The following FAR2 variants were observed in gnomAD, a reference collection of about 807,000 sequenced individuals.
The protein encoded by FAR2 is fatty acyl-CoA reductase 2.
A neutral mutation model predicts 56.0 loss-of-function variants in FAR2; 19 were observed. That is an observed-to-expected ratio of 0.34 (90% CI 0.24 to 0.50). The LOEUF (loss-of-function observed/expected upper bound fraction) is 0.50. Ranked by LOEUF, FAR2 falls within the 20% of genes least tolerant of loss-of-function variation. FAR2 has a pLI of 0.98. For synonymous variants in FAR2, 219 were observed against 218.8 expected (o/e 1.00, Z -0.01); for missense variants, 508 against 642.2 (o/e 0.79, Z 2.26).
At chr12:29,190,356 C>T (rs941953041) in intron 1 of FAR2, among the ~76,000 whole-genome samples, 38 of 150,932 alleles carry the variant, frequency 2.5e-4, no homozygotes, top group Admixed American at 2.4e-3. Flanking sequence ...AGTCCCAAGA[C>T]AAGACACTTC....
At chr12:29,300,129 G>GTTTT (rs1437390065) in intron 4 of FAR2, among the ~76,000 whole-genome samples, 1 of 152,190 alleles carries the variant, frequency 6.6e-6, no homozygotes, top group East Asian at 1.9e-4. Context: ...TGTTTTGACT[G>GTTTT]TTTTTGTTTG....
chr12:29,183,505 T>C (rs1036412887), intron 1 of FAR2, among the ~76,000 whole-genome samples: 1 of 152,246 alleles, frequency 6.6e-6, no homozygotes, highest in Non-Finnish European at 1.5e-5. Flanking sequence ...CTGGCCTATA[T>C]GAATGAAGTC....
At chr12:29,178,757 T>C (rs1949964055) in intron 1 of FAR2, among the ~76,000 whole-genome samples, 1 of 152,246 alleles carries the variant, frequency 6.6e-6, no homozygotes, top group South Asian at 2.1e-4. Context: ...TCAAAAAATA[T>C]CTTCCTTTGC....
intron 2 of FAR2, among the ~76,000 whole-genome samples, chr12:29,292,798 T>G (rs1234482156): frequency 1.3e-5 from 2 of 152,194 alleles, no homozygotes; most frequent in Non-Finnish European, 2.9e-5. Context: ...TTTTCAGTGG[T>G]GTGTTACTGC....
At chr12:29,166,722 C>T (rs1949833263) in intron 1 of FAR2, among the ~76,000 whole-genome samples, 1 of 152,196 alleles carries the variant, frequency 6.6e-6, no homozygotes, top group South Asian at 2.1e-4. Flanking sequence ...CAAGGCAAGT[C>T]CTCAGGCTTT....
chr12:29,271,802 C>CTTCA (rs1185363300), intron 2 of FAR2, among the ~76,000 whole-genome samples: 1 of 152,194 alleles, frequency 6.6e-6, no homozygotes, highest in Non-Finnish European at 1.5e-5. Flanking sequence ...TCACACCTTA[C>CTTCA]TTCATGTATC....
chr12:29,194,942 T>C (rs560421468), intron 1 of FAR2, among the ~76,000 whole-genome samples: 12 of 152,166 alleles, frequency 7.9e-5, no homozygotes, highest in Non-Finnish European at 1.8e-4. Context: ...AAGCAAAGTA[T>C]GGTGACCCCT....
intron 1 of FAR2, among the ~76,000 whole-genome samples, chr12:29,193,152 C>T (rs2136609032): frequency 6.6e-6 from 1 of 152,096 alleles, no homozygotes; most frequent in Admixed American, 6.6e-5. Context: ...GTTCCCATAT[C>T]CCCTGTGCCC....
intron 1 of FAR2, among the ~76,000 whole-genome samples, chr12:29,216,670 G>A (rs1165280292): frequency 6.6e-6 from 1 of 152,110 alleles, no homozygotes; most frequent in African/African-American, 2.4e-5. Flanking sequence ...AAAAAAGGCT[G>A]CTGTTAGCCT....
intron 2 of FAR2, among the ~76,000 whole-genome samples, chr12:29,273,072 T>C (rs2350315): frequency 0.31 from 46,690 of 152,054 alleles, 9,031 homozygotes; most frequent in Admixed American, 0.46. Context: ...GTAGGATTGC[T>C]CCTGTATAGA....
At chr12:29,305,559 C>T (rs965286008) in intron 4 of FAR2, among the ~76,000 whole-genome samples, 1 of 152,148 alleles carries the variant, frequency 6.6e-6, no homozygotes, top group African/African-American at 2.4e-5. Flanking sequence ...AGCTTAAATG[C>T]AGTTGTGAAT....
rs1239058614 is a variant in FAR2 at position 29,309,118 on chromosome 12, C to G, written c.724-68C>G. ...TTGTTTGAAATTTATTAAGATTAGA[C>G]TGCAGATGTTCCAAAGATAAAACAA... On this transcript the variant is annotated intron_variant, in intron 5 of 11. Coordinates refer to ENST00000536681, the MANE Select transcript of FAR2 (RefSeq NM_001271783.2). 4 of 1,053,956 alleles carry G rather than the reference C, an allele frequency of 3.8e-6. No homozygotes were observed. In the East Asian group the frequency reaches 9.5e-5, roughly 25 times the overall value. The allele number at this position is 1,053,956 out of a possible 1,614,324, so 65.3% of individuals were successfully genotyped here.
intron 2 of FAR2, among the ~76,000 whole-genome samples, chr12:29,288,095 A>G (rs895661149): frequency 6.6e-6 from 1 of 152,222 alleles, no homozygotes; most frequent in Non-Finnish European, 1.5e-5. Context: ...TTAGAAGAGT[A>G]TCTTATGTTT....
At chr12:29,167,500 C>A (rs1357045736) in intron 1 of FAR2, among the ~76,000 whole-genome samples, 1 of 152,192 alleles carries the variant, frequency 6.6e-6, no homozygotes, top group East Asian at 1.9e-4. Context: ...CTCTCCTTTT[C>A]AGTCTCTCAG....
chr12:29,333,535 C>T (rs559809480), intron 11 of FAR2, 97 bp from the exon 12 acceptor site: 9 of 1,146,494 alleles, frequency 7.9e-6, no homozygotes, highest in East Asian at 7.1e-5. Flanking sequence ...TTCATAAATA[C>T]TTGCCAGTCA....
intron 1 of FAR2, among the ~76,000 whole-genome samples, chr12:29,212,513 T>G (rs1433432307): frequency 2.6e-5 from 4 of 152,190 alleles, no homozygotes; most frequent in Non-Finnish European, 4.4e-5. Flanking sequence ...TCTTTTCCTA[T>G]CATTTGGCAT....
At chr12:29,198,351 C>T (rs1393471341) in intron 1 of FAR2, among the ~76,000 whole-genome samples, 3 of 152,116 alleles carry the variant, frequency 2.0e-5, no homozygotes, top group Admixed American at 6.5e-5. Flanking sequence ...GCCTCAGCCT[C>T]CGGAGTAGCT....
At chr12:29,286,064 GAC>G (rs55752247) in intron 2 of FAR2, among the ~76,000 whole-genome samples, 67,130 of 150,620 alleles carry the variant, frequency 0.45, 15,381 homozygotes, top group Admixed American at 0.55. Context: ...CACACACACA[GAC>G]ACACACACAC....
intron 1 of FAR2, among the ~76,000 whole-genome samples, chr12:29,170,858 T>C (rs1949879032): frequency 6.6e-6 from 1 of 152,222 alleles, no homozygotes; most frequent in Non-Finnish European, 1.5e-5. Flanking sequence ...CACCTTCCCC[T>C]TTTCGATGGC....
Sources: gnomAD v4.1 joint callset for allele counts (sites outside exome capture counted in the v4.1 genomes callset) on GRCh38, gnomAD v4.1.1 for gene constraint, MANE v1.5 for transcripts, NCBI Gene and HGNC (gene_info 2026-07-23, HGNC 2026-07-21) for gene names.